DNAH14: variants seen among roughly 807,000 people sequenced by gnomAD.
DNAH14 encodes the protein dynein axonemal heavy chain 14, also known as axonemal beta dynein heavy chain 14.
DNAH14 carries 478 observed loss-of-function variants against 520.9 expected under a neutral mutation model. The ratio of observed to expected loss-of-function variants is 0.92; its 90% CI spans 0.85 to 0.99. The LOEUF is 0.99. Among genes scored for constraint, DNAH14 ranks in the 50% least tolerant of loss-of-function variants. The pLI, the probability that DNAH14 is intolerant of heterozygous loss-of-function variation, is 0.00. For synonymous variants in DNAH14, 1,581 were observed against 1,757.2 expected (o/e 0.90, Z 2.51); for missense variants, 4,831 against 5,234.5 (o/e 0.92, Z 2.38).
chr1:225,260,614 T>A (rs941347196), intron 46 of DNAH14, among the ~76,000 whole-genome samples: 1 of 152,044 alleles, frequency 6.6e-6, no homozygotes. Context: ...GCTTTTTTTT[T>A]TCCCCCCCTC....
At chr1:225,364,353 A>G (rs1375979095) in intron 75 of DNAH14, among the ~76,000 whole-genome samples, 1 of 152,212 alleles carries the variant, frequency 6.6e-6, no homozygotes, top group Non-Finnish European at 1.5e-5. Flanking sequence ...AATTTATTTA[A>G]TGATGTTCTC....
chr1:225,315,508 G>A (rs1558357429), intron 60 of DNAH14, among the ~76,000 whole-genome samples: 1 of 152,054 alleles, frequency 6.6e-6, no homozygotes, highest in East Asian at 1.9e-4. Context: ...ATCCTTTGGA[G>A]GAGAAGAGGC....
chr1:225,361,657 G>A (rs1323467484), intron 75 of DNAH14, among the ~76,000 whole-genome samples: 1 of 152,192 alleles, frequency 6.6e-6, no homozygotes, highest in Non-Finnish European at 1.5e-5. Flanking sequence ...GCAACTGCAT[G>A]ACTTAAATTT....
At chr1:225,248,759 AC>A (rs1292833132) in intron 43 of DNAH14, among the ~76,000 whole-genome samples, 1 of 152,162 alleles carries the variant, frequency 6.6e-6, no homozygotes, top group African/African-American at 2.4e-5. Flanking sequence ...ACAAATAGGA[AC>A]CTAAAGTCAT....
At chr1:225,258,874 T>C (rs1036738514) in intron 45 of DNAH14, among the ~76,000 whole-genome samples, 1 of 152,166 alleles carries the variant, frequency 6.6e-6, no homozygotes, top group Non-Finnish European at 1.5e-5. Context: ...GAACATTAGA[T>C]AAAAATAATA....
intron 41 of DNAH14, among the ~76,000 whole-genome samples, chr1:225,229,524 C>T (rs1356243680): frequency 6.6e-6 from 1 of 152,080 alleles, no homozygotes; most frequent in Non-Finnish European, 1.5e-5. Flanking sequence ...AACCCAAATG[C>T]CCATCAATGG....
At position 225,275,982 on chromosome 1, in the gene DNAH14, G is replaced by T. The variant is rs752083300; in HGVS notation, c.8079G>T (p.Lys2693Asn). The change falls in exon 53 of 86, where the codon AAG (lysine) becomes AAT (asparagine). Residue 2693 changes from lysine (K) to asparagine (N), a missense_variant. Transcript: ENST00000682510. ...TVFLDFLDIN[K>N]THRKKIYQNT... ...TTTTGGACTTCTTGGATATAAACAA[G>T]ACTCATAGAAAAAAGATTTATCAGA... is the stretch of plus-strand genomic sequence containing the variant. 7.2e-6 allele frequency: 3 copies of T among 416,914 alleles called. No homozygotes were observed. Among genetic ancestry groups the T allele is most frequent in the Non-Finnish European group, 1.4e-5 (3 of 207,890 alleles). The allele number at this position is 416,914 out of a possible 1,614,324, so 25.8% of individuals were successfully genotyped here.
intron 21 of DNAH14, among the ~76,000 whole-genome samples, chr1:225,091,344 A>G (rs2074375489): frequency 6.6e-6 from 1 of 152,018 alleles, no homozygotes; most frequent in South Asian, 2.1e-4. Context: ...GAGAAGGGGC[A>G]GCTCTACAAA....
rs956633009 is a variant in DNAH14 at position 225,270,779 on chromosome 1, G to A, written c.7584G>A (p.Val2528=). 1.3e-6 allele frequency: 2 copies of A among 1,551,288 alleles called. No individual in the cohort carries two copies. Among genetic ancestry groups the A allele is most frequent in the Admixed American group, 3.9e-5 (2 of 50,986 alleles). ...TAGTTGCAGCTTGTGTTCCAGTTGT[G>A]AATGATATCAGCCCACGTCTTCTCA... is the stretch of plus-strand genomic sequence containing the variant. ...LSIVAACVPV[V]NDISPRLLKH... is the part of the protein sequence containing the mutation. The change falls in exon 50 of 86, where the codon GTG becomes GTA. Residue 2528 remains valine (V), a synonymous_variant. Transcript: ENST00000682510.
At chr1:225,126,998 T>C (rs1045616945) in intron 27 of DNAH14, among the ~76,000 whole-genome samples, 1 of 151,564 alleles carries the variant, frequency 6.6e-6, no homozygotes, top group African/African-American at 2.4e-5. Flanking sequence ...GTTGTTCAGT[T>C]TCCATGTAGT....
chr1:225,305,794 GT>G (rs1332486479), intron 58 of DNAH14, among the ~76,000 whole-genome samples: 6 of 152,166 alleles, frequency 3.9e-5, no homozygotes, highest in Non-Finnish European at 8.8e-5. Flanking sequence ...TCCTAAACCT[GT>G]CACGTATCCA....
At chr1:225,290,233 T>G (rs1196768842) in intron 55 of DNAH14, among the ~76,000 whole-genome samples, 151 bp downstream of exon 55, 1 of 152,096 alleles carries the variant, frequency 6.6e-6, no homozygotes, top group East Asian at 1.9e-4. Flanking sequence ...GTATTCTCTG[T>G]TCTTATCTAG....
At chr1:225,147,394 A>G in intron 31 of DNAH14, 145 bp downstream of exon 31, 1 of 755,646 alleles carries the variant, frequency 1.3e-6, no homozygotes. Flanking sequence ...AAGGAATGGC[A>G]GTTACCTTGA....
chr1:225,056,955 C>G (rs549232311), intron 17 of DNAH14, among the ~76,000 whole-genome samples: 1 of 152,274 alleles, frequency 6.6e-6, no homozygotes, highest in East Asian at 1.9e-4. Flanking sequence ...AGTTTGAAGT[C>G]AGGTAGCGTG....
At chr1:225,176,176 T>C (rs1345661368) in intron 36 of DNAH14, among the ~76,000 whole-genome samples, 1 of 152,218 alleles carries the variant, frequency 6.6e-6, no homozygotes, top group Admixed American at 6.5e-5. Context: ...CAAGGAATTT[T>C]TTAAATTATT....
intron 37 of DNAH14, among the ~76,000 whole-genome samples, chr1:225,189,838 T>C (rs892247423): frequency 3.3e-5 from 5 of 152,168 alleles, no homozygotes; most frequent in Middle Eastern, 3.4e-3. Context: ...ATTCTATGTC[T>C]TGTATCTTTT....
intron 76 of DNAH14, among the ~76,000 whole-genome samples, chr1:225,367,595 A>C (rs2095569585): frequency 6.6e-6 from 1 of 152,252 alleles, no homozygotes; most frequent in African/African-American, 2.4e-5. Context: ...TCAAAATATG[A>C]ATCGGAACAA....
chr1:225,134,638 A>G (rs2078792255), intron 27 of DNAH14, among the ~76,000 whole-genome samples: 1 of 152,162 alleles, frequency 6.6e-6, no homozygotes, highest in African/African-American at 2.4e-5. Flanking sequence ...TATTTTATTG[A>G]GGATTTTTGC....
At chr1:225,265,049 G>A in intron 47 of DNAH14, 133 bp from the exon 48 acceptor site, 1 of 661,484 alleles carries the variant, frequency 1.5e-6, no homozygotes, top group South Asian at 2.5e-5. Flanking sequence ...AGTTCTATCG[G>A]AGTAATTTCT....
Sources: gnomAD v4.1 joint callset for allele counts (sites outside exome capture counted in the v4.1 genomes callset) on GRCh38, gnomAD v4.1.1 for gene constraint, MANE v1.5 for transcripts, NCBI Gene and HGNC (gene_info 2026-07-23, HGNC 2026-07-21) for gene names.